NAV2: variants seen among roughly 807,000 people sequenced by gnomAD.
The protein encoded by NAV2 is neuron navigator 2.
In NAV2, 54 loss-of-function variants were observed where a neutral mutation model predicts 223.2. The ratio of observed to expected loss-of-function variants is 0.24; its 90% CI spans 0.19 to 0.30. The LOEUF is 0.30. Ranked by LOEUF, NAV2 falls within the 10% of genes least tolerant of loss-of-function variation. The pLI, the probability that NAV2 is intolerant of heterozygous loss-of-function variation, is 1.00. For missense variants in NAV2, 2,806 were observed against 3,147.5 expected, an observed-to-expected ratio of 0.89 and a Z score of 2.60; for synonymous variants, 1,279 against 1,239.3, an observed-to-expected ratio of 1.03 and a Z score of -0.67.
At chr11:19,825,014 T>C (rs1269787374) in intron 1 of NAV2, among the ~76,000 whole-genome samples, 1 of 152,038 alleles carries the variant, frequency 6.6e-6, no homozygotes, top group Non-Finnish European at 1.5e-5. Flanking sequence ...TTGTGTTGGC[T>C]AGGTGTGGTG....
chr11:19,458,277 G>A (rs1276010669), intron 1 of NAV2, among the ~76,000 whole-genome samples: 1 of 152,218 alleles, frequency 6.6e-6, no homozygotes, highest in African/African-American at 2.4e-5. Context: ...TGCTTGTGCT[G>A]GGTGACCAGC....
intron 25 of NAV2, among the ~76,000 whole-genome samples, chr11:20,081,407 A>G (rs2060083595): frequency 6.6e-6 from 1 of 152,226 alleles, no homozygotes; most frequent in South Asian, 2.1e-4. Flanking sequence ...CATTTTCTTC[A>G]AGAAATAAAA....
exon 1 of NAV2, chr11:19,350,932 A>G (rs1212880507): frequency 1.3e-6 from 2 of 1,551,178 alleles, no homozygotes; most frequent in South Asian, 2.4e-5. Flanking sequence ...TGAAGGAGAG[A>G]GAGGATTTTA....
intron 6 of NAV2, among the ~76,000 whole-genome samples, chr11:19,926,483 C>T (rs1458479365): frequency 6.6e-6 from 1 of 152,050 alleles, no homozygotes; most frequent in Non-Finnish European, 1.5e-5. Flanking sequence ...GAGGAGGCTC[C>T]TCCAGCCAGG....
intron 6 of NAV2, among the ~76,000 whole-genome samples, chr11:19,920,413 G>C (rs1310095107): frequency 6.6e-6 from 1 of 152,022 alleles, no homozygotes; most frequent in South Asian, 2.1e-4. Context: ...TCAGCCTCCC[G>C]AGTAGCTGGG....
intron 1 of NAV2, among the ~76,000 whole-genome samples, chr11:19,809,932 TTA>T (rs1398503186): frequency 6.6e-6 from 1 of 152,206 alleles, no homozygotes; most frequent in Non-Finnish European, 1.5e-5. Flanking sequence ...TTGCTAATGT[TTA>T]TGTTAACCTC....
chr11:19,809,208 A>G (rs963754147), intron 1 of NAV2, among the ~76,000 whole-genome samples: 1 of 152,228 alleles, frequency 6.6e-6, no homozygotes, highest in Non-Finnish European at 1.5e-5. Flanking sequence ...CTTGTGCATA[A>G]TAACTAGGGT....
intron 11 of NAV2, among the ~76,000 whole-genome samples, chr11:19,993,583 C>G (rs981542701): frequency 1.3e-5 from 2 of 152,098 alleles, no homozygotes; most frequent in African/African-American, 4.8e-5. Context: ...TCCCCCCTCC[C>G]CCCGTTATTT....
At chr11:19,683,506 G>T (rs920948140) in intron 1 of NAV2, among the ~76,000 whole-genome samples, 1 of 152,246 alleles carries the variant, frequency 6.6e-6, no homozygotes, top group African/African-American at 2.4e-5. Flanking sequence ...TGGCATTACT[G>T]GTAGAGTTCT....
chr11:19,502,185 G>A (rs1459353647), intron 1 of NAV2, among the ~76,000 whole-genome samples: 2 of 152,026 alleles, frequency 1.3e-5, no homozygotes, highest in Admixed American at 1.3e-4. Context: ...TTAAGCACAT[G>A]GTCTCAGGAA....
chr11:19,713,144 C>G lies in NAV2; in HGVS notation c.-552C>G, dbSNP rs1303454671. ...CTCGCGAGCAGGGTGGCAGCTGCCT[C>G]TCGGTGGAGACGTCTTGGGACCCTT... is the stretch of plus-strand genomic sequence containing the variant. On this transcript the variant is annotated 5_prime_UTR_variant, in exon 1 of 38. Transcript: ENST00000349880. The surrounding 1 kb of genome is among the most constrained non-coding windows in gnomAD (Gnocchi z 7.2). Among the ~76,000 whole-genome samples, 1 of 152,068 alleles carries G rather than the reference C, an allele frequency of 6.6e-6. No homozygotes were observed. The highest frequency in any genetic ancestry group is 2.4e-5 in the African/African-American group (1 of 41,418).
In NAV2 at chr11:20,080,104, G is replaced by A. The variant is rs777645207; in HGVS notation, c.5220G>A (p.Arg1740=). The A allele has an allele frequency of 1.5e-5, 25 of 1,614,012 alleles. No individual in the cohort carries two copies. Among genetic ancestry groups the A allele is most frequent in the Non-Finnish European group, 1.9e-5 (22 of 1,180,028 alleles). Residue 1740 remains arginine, a synonymous_variant, in exon 25 of 38, where the codon AGG becomes AGA. Coordinates refer to ENST00000349880, the MANE Select transcript of NAV2 (RefSeq NM_145117.5). ...AGTCTGCAGACCTCCGCATCCGCAG[G>A]CAGCACTCCTCAGACAGCGTCTCCA... ...TAQSADLRIR[R]QHSSDSVSSI...
intron 31 of NAV2, among the ~76,000 whole-genome samples, chr11:20,098,227 A>G (rs1337758150): frequency 6.6e-6 from 1 of 152,134 alleles, no homozygotes; most frequent in Non-Finnish European, 1.5e-5. Flanking sequence ...GCCCCAGGCC[A>G]GTGGATTCCT....
chr11:19,589,165 C>G (rs552977978), intron 1 of NAV2, among the ~76,000 whole-genome samples: 1 of 152,082 alleles, frequency 6.6e-6, no homozygotes, highest in African/African-American at 2.4e-5. Context: ...TTCTTGGATC[C>G]TAAGATGATA....
At chr11:19,808,241 A>G (rs2058676055) in intron 1 of NAV2, among the ~76,000 whole-genome samples, 1 of 152,010 alleles carries the variant, frequency 6.6e-6, no homozygotes, top group Non-Finnish European at 1.5e-5. Context: ...CCTCTTTAAA[A>G]CTTCATTCAC....
chr11:19,529,983 C>T lies in NAV2; in HGVS notation c.75+178956C>T, dbSNP rs565253877. Among the ~76,000 whole-genome samples, 50 of 152,230 alleles carry T rather than the reference C, an allele frequency of 3.3e-4. 1 individual carries two copies. The South Asian group carries it at 9.1e-3, about 28-fold the overall frequency. ...GTTGCTGGAAGGTCATGGGATATTT[C>T]GAATGGAAAAATCAGCATTTGTCTG... On this transcript the variant is annotated intron_variant, in intron 1 of 37. Coordinates refer to the NAV2 transcript ENST00000360655.
upstream of NAV2, among the ~76,000 whole-genome samples, chr11:19,349,786 G>C (rs2133689366): frequency 6.6e-6 from 1 of 152,216 alleles, no homozygotes; most frequent in Non-Finnish European, 1.5e-5. Flanking sequence ...TTTTCTTGGT[G>C]CAGAGGTCCC....
At chr11:19,907,206 G>A (rs974914140) in intron 6 of NAV2, among the ~76,000 whole-genome samples, 1 of 152,170 alleles carries the variant, frequency 6.6e-6, no homozygotes, top group Non-Finnish European at 1.5e-5. Flanking sequence ...CTACAAAGGG[G>A]AAAGTAACCA....
intron 1 of NAV2, among the ~76,000 whole-genome samples, chr11:19,366,266 G>C (rs920063311): frequency 4.6e-5 from 7 of 152,184 alleles, no homozygotes; most frequent in Non-Finnish European, 7.4e-5. Flanking sequence ...GCTAGCCAGA[G>C]AGAAGAGGCA....
Sources: allele counts gnomAD v4.1 joint callset (sites outside exome capture counted in the v4.1 genomes callset), GRCh38; gene constraint gnomAD v4.1.1; non-coding constraint Gnocchi (gnomAD v3.1); transcripts MANE v1.5; gene names NCBI Gene and HGNC (gene_info 2026-07-23, HGNC 2026-07-21).